The following CLUH variants were observed in gnomAD, a reference collection of about 807,000 sequenced individuals.
CLUH encodes clustered mitochondria protein homolog.
In CLUH, 77 loss-of-function variants were observed where a neutral mutation model predicts 139.3. The ratio of observed to expected loss-of-function variants is 0.55; its 90% CI spans 0.46 to 0.67. CLUH has a LOEUF of 0.67. Ranked by LOEUF, CLUH falls within the 30% of genes least tolerant of loss-of-function variation. The pLI, the probability that CLUH is intolerant of heterozygous loss-of-function variation, is 0.00. For synonymous variants in CLUH, 999 were observed against 801.6 expected (o/e 1.25, Z -4.16); for missense variants, 1,876 against 1,875.8 (o/e 1.00, Z 0.00).
In CLUH at chr17:2,698,458, C is replaced by T; in HGVS notation, c.1399G>A (p.Gly467Ser). The T allele has an allele frequency of 1.2e-6, 2 of 1,613,340 alleles. No homozygotes were observed. Among genetic ancestry groups the T allele is most frequent in the Non-Finnish European group, 1.7e-6 (2 of 1,179,842 alleles). The change falls in exon 10 of 26, where the codon GGC (glycine) becomes AGC (serine). Residue 467 changes from glycine to serine, a missense_variant. Transcript: ENST00000651024. Reference sequence around the variant, plus strand: ...TTGTAGTGGTCTCGGACGTCGAAGCCCAGGCTGAAGAAGATGTTGTTCCAG... The same window carrying T: ...TTGTAGTGGTCTCGGACGTCGAAGCTCAGGCTGAAGAAGATGTTGTTCCAG... ...FIWNNIFFSL[G>S]FDVRDHYKDF... is the part of the protein sequence containing the mutation.
chr17:2,711,400 G>A (rs77976654), intron 1 of CLUH, among the ~76,000 whole-genome samples, 162 bp downstream of exon 1: 1 of 152,100 alleles, frequency 6.6e-6, no homozygotes, highest in Non-Finnish European at 1.5e-5. Flanking sequence ...GGGGGCGACT[G>A]TGAAGGTGAC....
chr17:2,702,830 GT>G (rs753312011), intron 3 of CLUH, among the ~76,000 whole-genome samples: 16 of 143,704 alleles, frequency 1.1e-4, no homozygotes, highest in Admixed American at 4.2e-4. Context: ...CTTTTGTTTT[GT>G]TTTTTTTTTT....
Position 2,694,541 on chromosome 17 carries a change from T to C in CLUH, c.2876A>G (p.Glu959Gly). ...CGTTATCTTCTGCAGGCCGTAGGTC[T>C]CCACAGCCTGGTCCACGGTCTCACT... is the stretch of plus-strand genomic sequence containing the variant. ...LECETVDQAV[E>G]TYGLQKITLL... Residue 959 changes from glutamate to glycine, a missense_variant, in exon 17 of 26, where the codon GAG (glutamate) becomes GGG (glycine). By Grantham distance (98) the Glu-to-Gly change is moderately conservative. This residue lies in a region of CLUH where 1,454 missense variants were observed against 1,384.4 expected (regional missense o/e 1.05). Transcript: ENST00000651024. The C allele has an allele frequency of 6.3e-7, 1 of 1,581,234 alleles. No individual in the cohort carries two copies. The highest frequency in any genetic ancestry group is 8.6e-7 in the Non-Finnish European group (1 of 1,164,114).
At chr17:2,694,822 T>TGCCCCCCCCCCC in intron 16 of CLUH, 35 bp downstream of exon 16, 29 of 1,346,330 alleles carry the variant, frequency 2.2e-5, no homozygotes, top group Non-Finnish European at 2.6e-5. Context: ...ATCTGCCCAA[T>TGCCCCCCCCCCC]CCCACCCACC....
intron 1 of CLUH, chr17:2,708,130 A>T: frequency 2.4e-6 from 1 of 408,390 alleles, no homozygotes; most frequent in Non-Finnish European, 3.3e-6. Context: ...ACATGCTGCC[A>T]GTGCCCAGTA....
At chr17:2,710,092 G>T (rs1452509977) in intron 1 of CLUH, among the ~76,000 whole-genome samples, 1 of 152,146 alleles carries the variant, frequency 6.6e-6, no homozygotes, top group Non-Finnish European at 1.5e-5. Flanking sequence ...CTTCCTCTGG[G>T]CCAGGCCACG....
intron 9 of CLUH, among the ~76,000 whole-genome samples, chr17:2,698,995 C>T (rs1276752964): frequency 3.9e-5 from 6 of 152,006 alleles, no homozygotes; most frequent in African/African-American, 1.2e-4. Context: ...TACAGTGAGC[C>T]GAAATCACAC....
chr17:2,700,212 C>A (rs1372269898), intron 9 of CLUH, among the ~76,000 whole-genome samples, 170 bp downstream of exon 9: 2 of 152,216 alleles, frequency 1.3e-5, no homozygotes, highest in Non-Finnish European at 2.9e-5. Flanking sequence ...GGATGGTCTG[C>A]TGGGAGGCGG....
rs368267473 is a variant in CLUH at position 2,698,227 on chromosome 17, C to T, written c.1630G>A (p.Asp544Asn). The change falls in exon 10 of 26, where the codon GAC becomes AAC. Residue 544 changes from aspartate (D) to asparagine (N), a missense_variant. Physicochemically the swap from Asp to Asn is conservative, Grantham distance 23 (BLOSUM62 1). Transcript: ENST00000651024. ...TGTGACACCACGGTCTTGCCGAAGTCGATGGAGCCGTAGATGACGCTCTGC... is the reference window on the plus strand; with the variant it reads ...TGTGACACCACGGTCTTGCCGAAGTTGATGGAGCCGTAGATGACGCTCTGC... ...QEQSVIYGSI[D>N]FGKTVVSHPR... The T allele has an allele frequency of 1.0e-4, 159 of 1,591,318 alleles. No individual in the cohort carries two copies. Among genetic ancestry groups the T allele is most frequent in the Non-Finnish European group, 1.5e-5 (17 of 1,169,938 alleles).
At position 2,707,637 on chromosome 17, in the gene CLUH, C is replaced by T; in HGVS notation, c.101-3073G>A. ...AGGAGACTGGCTGGCAGGGGCAGGG[C>T]CCAGCAAGGGGGTCCTCTCCTCCGC... On this transcript the variant is annotated intron_variant, in intron 1 of 25. Coordinates refer to ENST00000651024, the MANE Select transcript of CLUH (RefSeq NM_001366661.1). The surrounding 1 kb of genome is among the most constrained non-coding windows in gnomAD (Gnocchi z 7.4). 5.1e-6 allele frequency: 5 copies of T among 985,390 alleles called. No homozygotes were observed. In the South Asian group the frequency reaches 1.9e-4, roughly 37 times the overall value. The allele number at this position is 985,390 out of a possible 1,614,324, so 61.0% of individuals were successfully genotyped here.
chr17:2,700,975 T>G lies in CLUH; in HGVS notation c.1026-150A>C, dbSNP rs149971398. ...GATGGAAGTGCACGGGCGCCTCTCC[T>G]GCGGCTGCTGTCTCGGCACTGGCCG... On this transcript the variant is annotated intron_variant, in intron 7 of 25. Coordinates refer to ENST00000651024, the MANE Select transcript of CLUH (RefSeq NM_001366661.1). 1,838 of 1,431,146 alleles carry G rather than the reference T, an allele frequency of 1.3e-3. 10 individuals carry two copies. In the African/African-American group the frequency reaches 0.014, roughly 11 times the overall value. The allele number at this position is 1,431,146 out of a possible 1,614,324, so 88.7% of individuals were successfully genotyped here. A position where few individuals can be genotyped will look rare whatever the true frequency, so the allele number is the denominator to read the frequency against.
chr17:2,695,874 A>C, intron 13 of CLUH: 1 of 577,936 alleles, frequency 1.7e-6, no homozygotes, highest in Admixed American at 3.2e-5. Context: ...GAGGAGGAGG[A>C]TGGGCAGCCC....
intron 10 of CLUH, among the ~76,000 whole-genome samples, chr17:2,697,558 C>G (rs1451980136): frequency 6.6e-6 from 1 of 152,224 alleles, no homozygotes; most frequent in African/African-American, 2.4e-5. Context: ...ATTTCCTAAG[C>G]ACTAAACACC....
rs376994866 is a variant in CLUH, at chr17:2,691,742, C to G, written c.3789+19G>C. On this transcript the variant is annotated intron_variant, in intron 24 of 25. Transcript: ENST00000651024. ...CCCGCGCTCGCCGGGCCGGAGGGGC[C>G]GCTCCGCCCCGGACTCACCTTGAGG... The G allele has an allele frequency of 1.9e-6, 3 of 1,597,028 alleles. No homozygotes were observed. Among genetic ancestry groups the G allele is most frequent in the East Asian group, 4.5e-5 (2 of 44,058 alleles).
intron 21 of CLUH, 29 bp downstream of exon 21, chr17:2,692,542 C>A (rs1486489990): frequency 3.1e-6 from 5 of 1,601,610 alleles, no homozygotes; most frequent in South Asian, 1.1e-5. Flanking sequence ...GGAGCTGGGT[C>A]CCTGCCGCCC....
intron 5 of CLUH, 26 bp downstream of exon 5, chr17:2,701,587 T>G (rs761500517): frequency 1.5e-5 from 24 of 1,610,716 alleles, no homozygotes; most frequent in Non-Finnish European, 1.9e-5. Context: ...CCAGGGACCC[T>G]CTTCCTCCCT....
intron 25 of CLUH, among the ~76,000 whole-genome samples, chr17:2,691,252 GC>G (rs916962805): frequency 1.3e-5 from 2 of 152,222 alleles, no homozygotes; most frequent in Non-Finnish European, 2.9e-5. Flanking sequence ...CTCGCGGAAT[GC>G]GAGGATGCTG....
In CLUH at chr17:2,707,853, C is replaced by T; in HGVS notation, c.101-3289G>A. On this transcript the variant is annotated intron_variant, in intron 1 of 25. Transcript: ENST00000651024. This position sits in a 1 kb window ranked among gnomAD's most constrained non-coding sequence, Gnocchi z 7.4. Reference sequence around the variant, plus strand: ...CTGCCCCCTGCAGGTGACCTGGCTGCCAGCCCCTTCCTGGGAGTCACTGGT... The same window carrying T: ...CTGCCCCCTGCAGGTGACCTGGCTGTCAGCCCCTTCCTGGGAGTCACTGGT... 6.1e-6 allele frequency: 6 copies of T among 985,456 alleles called. No individual in the cohort carries two copies. Among genetic ancestry groups the T allele is most frequent in the African/African-American group, 1.7e-5 (1 of 57,374 alleles). The allele number at this position is 985,456 out of a possible 1,614,324, so 61.0% of individuals were successfully genotyped here. A position where few individuals can be genotyped will look rare whatever the true frequency, so the allele number is the denominator to read the frequency against.
At chr17:2,696,038 T>G in intron 13 of CLUH, 121 bp downstream of exon 13, 1 of 803,738 alleles carries the variant, frequency 1.2e-6, no homozygotes, top group Non-Finnish European at 2.0e-6. Flanking sequence ...GGATGCCCAC[T>G]CAGGGAAAGC....
Sources: gnomAD v4.1 joint callset for allele counts (sites outside exome capture counted in the v4.1 genomes callset) on GRCh38, gnomAD v4.1.1 for gene constraint, gnomAD v4.1.1 regional missense constraint, Gnocchi (gnomAD v3.1) non-coding constraint, MANE v1.5 for transcripts, NCBI Gene and HGNC (gene_info 2026-07-23, HGNC 2026-07-21) for gene names.